The following COG4 variants were observed in gnomAD, a reference collection of about 807,000 sequenced individuals.
The protein encoded by COG4 is component of oligomeric golgi complex 4.
A neutral mutation model predicts 95.1 loss-of-function variants in COG4; 65 were observed. The ratio of observed to expected loss-of-function variants is 0.68; its 90% confidence interval spans 0.56 to 0.84. The LOEUF is 0.84. COG4 is among the 40% of genes least tolerant of loss of function. The pLI is 0.00. For missense variants in COG4, 1,045 were observed against 989.1 expected, an observed-to-expected ratio of 1.06 and a Z score of -0.76; for synonymous variants, 421 against 374.8, an observed-to-expected ratio of 1.12 and a Z score of -1.42.
At chr16:70,483,301 CCTCTCCCCATCCCTTCCCT>C (rs2049052873) in intron 14 of COG4, among the ~76,000 whole-genome samples, 1 of 127,428 alleles carries the variant, frequency 7.8e-6, no homozygotes, top group African/African-American at 3.6e-5. Flanking sequence ...ATCCTCCTCT[CCTCTCCCCATCCCTTCCCT>C]CTCTCCTCTC....
chr16:70,482,975 C>T (rs2049034646), intron 14 of COG4, among the ~76,000 whole-genome samples, 154 bp from the exon 15 acceptor site: 1 of 128,750 alleles, frequency 7.8e-6, no homozygotes, highest in Non-Finnish European at 1.7e-5. Context: ...TCTTCCTTCT[C>T]TCCTCTCCCC....
intron 4 of COG4, among the ~76,000 whole-genome samples, chr16:70,513,012 T>C (rs557865997): frequency 5.3e-5 from 8 of 152,238 alleles, no homozygotes; most frequent in Non-Finnish European, 1.0e-4. Context: ...ACATTTCTGG[T>C]TAAAGTAATC....
At chr16:70,502,261 A>G (rs1345446897) in intron 8 of COG4, among the ~76,000 whole-genome samples, 1 of 119,900 alleles carries the variant, frequency 8.3e-6, no homozygotes, top group Non-Finnish European at 1.7e-5. Flanking sequence ...CAGCCTGGAG[A>G]CACAGCAAGA....
chr16:70,522,875 C>T (rs1445379854), intron 1 of COG4, among the ~76,000 whole-genome samples: 2 of 152,172 alleles, frequency 1.3e-5, no homozygotes, highest in African/African-American at 2.4e-5. Context: ...TAAACCTCTA[C>T]AAAGATGTGC....
chr16:70,486,877 T>C (rs531956687), intron 13 of COG4, among the ~76,000 whole-genome samples: 2 of 152,190 alleles, frequency 1.3e-5, no homozygotes, highest in South Asian at 4.2e-4. Flanking sequence ...ACACCTGTAG[T>C]CTCAGCTACT....
chr16:70,500,878 A>C, intron 9 of COG4, 80 bp downstream of exon 9: 2 of 1,549,700 alleles, frequency 1.3e-6, no homozygotes, highest in Non-Finnish European at 1.8e-6. Flanking sequence ...TTTCCTTAAT[A>C]AGAGATTTGT....
At chr16:70,500,265 C>G (rs183411751) in intron 9 of COG4, among the ~76,000 whole-genome samples, 1 of 151,830 alleles carries the variant, frequency 6.6e-6, no homozygotes, top group East Asian at 1.9e-4. Flanking sequence ...CCACTGCACC[C>G]AGCCCCCTTT....
intron 13 of COG4, among the ~76,000 whole-genome samples, chr16:70,485,140 T>C (rs2049100527): frequency 6.6e-6 from 1 of 151,198 alleles, no homozygotes; most frequent in African/African-American, 2.4e-5. Context: ...GAGGCCAAGG[T>C]AGGAGGATTG....
chr16:70,508,704 C>T, intron 7 of COG4: 1 of 650,932 alleles, frequency 1.5e-6, no homozygotes, highest in Non-Finnish European at 2.8e-6. Context: ...AATGGTGTTC[C>T]AATAGACTAC....
intron 1 of COG4, 144 bp from the exon 2 acceptor site, chr16:70,519,875 C>T (rs2049899002): frequency 1.4e-6 from 1 of 706,684 alleles, no homozygotes; most frequent in Non-Finnish European, 2.6e-6. Context: ...TTTAACAATG[C>T]TTCATTTTGC....
intron 8 of COG4, among the ~76,000 whole-genome samples, chr16:70,507,898 C>T (rs939124001): frequency 7.9e-5 from 12 of 151,242 alleles, no homozygotes; most frequent in African/African-American, 2.4e-4. Flanking sequence ...TTAAATGACA[C>T]GTGATTGTAC....
chr16:70,520,769 A>C (rs1312207118), intron 1 of COG4, among the ~76,000 whole-genome samples: 1 of 152,210 alleles, frequency 6.6e-6, no homozygotes, highest in Non-Finnish European at 1.5e-5. Context: ...AAATATAATT[A>C]TCTCTCATTC....
chr16:70,517,586 T>TC (rs1555497894), intron 3 of COG4, 40 bp downstream of exon 3: 1 of 685,986 alleles, frequency 1.5e-6, no homozygotes, highest in Non-Finnish European at 2.2e-6. Context: ...AGACCCTGTC[T>TC]CAAAAAAAAA....
At chr16:70,483,999 G>A (rs751872617) in intron 13 of COG4, 30 bp from the exon 14 acceptor site, 18 of 1,502,096 alleles carry the variant, frequency 1.2e-5, no homozygotes, top group Admixed American at 8.4e-5. Context: ...TAAGACCACC[G>A]AGCACGCGTG....
intron 8 of COG4, among the ~76,000 whole-genome samples, chr16:70,507,898 C>G (rs939124001): frequency 6.6e-6 from 1 of 151,242 alleles, no homozygotes; most frequent in Non-Finnish European, 1.5e-5. Context: ...TTAAATGACA[C>G]GTGATTGTAC....
chr16:70,485,307 G>T (rs1420691986), intron 13 of COG4, among the ~76,000 whole-genome samples: 3 of 150,928 alleles, frequency 2.0e-5, no homozygotes, highest in Non-Finnish European at 4.4e-5. Context: ...GGGTTCAAGC[G>T]ATTCTCGTGC....
intron 14 of COG4, 23 bp downstream of exon 14, chr16:70,483,830 C>T: frequency 6.6e-7 from 1 of 1,517,388 alleles, no homozygotes; most frequent in Non-Finnish European, 9.2e-7. Context: ...AGGATTCAGT[C>T]AGCAGTTGAA....
At chr16:70,481,312 C>G (rs964094596) in intron 18 of COG4, 47 bp downstream of exon 18, 3 of 1,609,254 alleles carry the variant, frequency 1.9e-6, no homozygotes, top group Non-Finnish European at 2.5e-6. Flanking sequence ...CCATCTTTGC[C>G]TCTTTCAGTC....
intron 2 of COG4, 133 bp from the exon 3 acceptor site, chr16:70,517,873 A>G (rs2049857255): frequency 1.5e-6 from 1 of 684,918 alleles, no homozygotes; most frequent in African/African-American, 1.8e-5. Flanking sequence ...TTTGCTCTAT[A>G]CTCAGCTTTT....
Sources: allele counts gnomAD v4.1 joint callset (sites outside exome capture counted in the v4.1 genomes callset), GRCh38; gene constraint gnomAD v4.1.1; transcripts MANE v1.5; gene names NCBI Gene and HGNC (gene_info 2026-07-23, HGNC 2026-07-21).